COL14A1: variants seen among roughly 807,000 people sequenced by gnomAD.
The protein encoded by COL14A1 is collagen type XIV alpha 1 chain, also known as collagen alpha-1(XIV) chain.
Under a neutral mutation model 230.3 loss-of-function variants are expected in COL14A1, and 136 were observed. The ratio of observed to expected loss-of-function variants is 0.59; its 90% CI spans 0.51 to 0.68. The LOEUF is 0.68. COL14A1 is among the 30% of genes least tolerant of loss of function. The pLI is 0.00. For synonymous variants in COL14A1, 792 were observed against 784.1 expected, an observed-to-expected ratio of 1.01 and a Z score of -0.17; for missense variants, 1,976 against 2,215.8, an observed-to-expected ratio of 0.89 and a Z score of 2.17.
intron 1 of COL14A1, among the ~76,000 whole-genome samples, chr8:120,145,801 T>G (rs1163360434): frequency 6.6e-6 from 1 of 152,150 alleles, no homozygotes; most frequent in Non-Finnish European, 1.5e-5. Flanking sequence ...AGTAGGTAAA[T>G]AAGTTGTGAT....
intron 28 of COL14A1, among the ~76,000 whole-genome samples, chr8:120,279,127 AC>A (rs1819950531): frequency 1.4e-5 from 2 of 147,978 alleles, no homozygotes; most frequent in Admixed American, 1.4e-4. Flanking sequence ...AGGGAGGGGA[AC>A]ATCACACACG....
At chr8:120,213,532 A>T (rs1474744937) in intron 13 of COL14A1, among the ~76,000 whole-genome samples, 1 of 152,230 alleles carries the variant, frequency 6.6e-6, no homozygotes, top group African/African-American at 2.4e-5. Context: ...GACCAATGTA[A>T]TTAAAACAAC....
chr8:120,197,681 A>G (rs538043908), intron 6 of COL14A1, 130 bp from the exon 7 acceptor site: 7 of 862,566 alleles, frequency 8.1e-6, no homozygotes, highest in African/African-American at 1.7e-5. Context: ...CTTTTTGAAA[A>G]TTTATAGCCA....
At chr8:120,257,826 C>A (rs760028203) in intron 23 of COL14A1, among the ~76,000 whole-genome samples, 9 of 152,188 alleles carry the variant, frequency 5.9e-5, no homozygotes, top group Non-Finnish European at 1.2e-4. Context: ...TCCGTCAAAT[C>A]CTTACAGTTT....
chr8:120,222,785 T>C (rs554238088), intron 14 of COL14A1, among the ~76,000 whole-genome samples: 6 of 152,124 alleles, frequency 3.9e-5, no homozygotes, highest in Non-Finnish European at 7.4e-5. Context: ...AAAAAATAAT[T>C]CAACATACAG....
chr8:120,342,479 C>A, intron 44 of COL14A1, 33 bp downstream of exon 44: 1 of 1,594,768 alleles, frequency 6.3e-7, no homozygotes, highest in Non-Finnish European at 8.6e-7. Flanking sequence ...GGATGTTCCC[C>A]ATAACAAACT....
chr8:120,279,819 C>A (rs1411684098), intron 28 of COL14A1, 116 bp from the exon 29 acceptor site: 4 of 1,052,514 alleles, frequency 3.8e-6, no homozygotes, highest in Non-Finnish European at 4.0e-6. Flanking sequence ...GAATTATCCA[C>A]CCCCATGGGC....
chr8:120,212,498 C>T lies in COL14A1; in HGVS notation c.1518C>T (p.Pro506=). The change falls in exon 13 of 48, where the codon CCC becomes CCT. Residue 506 remains proline, a synonymous_variant. Coordinates refer to ENST00000297848, the MANE Select transcript of COL14A1 (RefSeq NM_021110.4). ...ATATTGAATTGAGTGGGTTGTTGCC[C>T]AATACAGAATACACAGTCACAGTTT... ...HTDIELSGLL[P]NTEYTVTVYA... is the part of the protein sequence containing the mutation. 3 of 1,613,430 alleles carry T rather than the reference C, an allele frequency of 1.9e-6. No homozygotes were observed. The highest frequency in any genetic ancestry group is 1.1e-5 in the South Asian group (1 of 91,040).
At chr8:120,179,766 A>T (rs1816400909) in intron 5 of COL14A1, among the ~76,000 whole-genome samples, 1 of 152,232 alleles carries the variant, frequency 6.6e-6, no homozygotes, top group Admixed American at 6.5e-5. Flanking sequence ...AAATGAACAA[A>T]GCTGAAGGCA....
At chr8:120,253,924 C>CA (rs1436774679) in intron 22 of COL14A1, among the ~76,000 whole-genome samples, 2 of 151,918 alleles carry the variant, frequency 1.3e-5, no homozygotes, top group Admixed American at 6.6e-5. Flanking sequence ...GACTCCATCT[C>CA]AAAAAACAAA....
rs759087194 is a variant in COL14A1 at position 120,369,331 on chromosome 8, A to G, written c.5157A>G (p.Gly1719=). The G allele has an allele frequency of 1.4e-5, 22 of 1,565,320 alleles. No homozygotes were observed. In the South Asian group the frequency reaches 2.4e-4, roughly 17 times the overall value. Residue 1719 remains glycine, a splice_region_variant and synonymous_variant, in exon 47 of 48, where the codon GGA becomes GGG. Coordinates refer to ENST00000297848, the MANE Select transcript of COL14A1 (RefSeq NM_021110.4). The stretch of plus-strand genomic sequence containing the variant: ...TTTTCATCTGTGGGTACTTCTTAGG[A>G]CCTTCAGGGGAGAGTCGGCCTGGCA... ...QGPRGPPGPA[G]PSGESRPGSP... is the part of the protein sequence containing the mutation.
intron 1 of COL14A1, among the ~76,000 whole-genome samples, chr8:120,138,555 A>G (rs1202705537): frequency 2.0e-5 from 3 of 152,216 alleles, no homozygotes; most frequent in East Asian, 3.8e-4. Context: ...TTCAGAGAGA[A>G]AAAAGCTAAC....
chr8:120,209,073 C>T lies in COL14A1; in HGVS notation c.1322-683C>T, dbSNP rs144733043. Among the ~76,000 whole-genome samples the T allele has an allele frequency of 2.8e-3, 431 of 152,284 alleles. 5 individuals are homozygous for T. The highest frequency in any genetic ancestry group is 9.5e-3 in the African/African-American group (397 of 41,574). On this transcript the variant is annotated intron_variant, in intron 11 of 47. Coordinates refer to ENST00000297848, the MANE Select transcript of COL14A1 (RefSeq NM_021110.4). ...CTGTGATCATCACTCTCTGAACTTTCTTGGATTTATCCCTGGCAACAATCT... is the reference window on the plus strand; with the variant it reads ...CTGTGATCATCACTCTCTGAACTTTTTTGGATTTATCCCTGGCAACAATCT...
chr8:120,165,662 G>A (rs1815842629), intron 4 of COL14A1, among the ~76,000 whole-genome samples: 1 of 149,512 alleles, frequency 6.7e-6, no homozygotes, highest in Admixed American at 6.6e-5. Context: ...TAGTGGATCA[G>A]CTTCCATAAT....
intron 41 of COL14A1, 114 bp from the exon 42 acceptor site, chr8:120,332,550 G>T: frequency 2.4e-6 from 2 of 848,752 alleles, no homozygotes. Flanking sequence ...TCCTGGTGAT[G>T]AGGGGGAGGG....
At chr8:120,176,013 T>A (rs2130616801) in intron 5 of COL14A1, among the ~76,000 whole-genome samples, 1 of 152,336 alleles carries the variant, frequency 6.6e-6, no homozygotes, top group South Asian at 2.1e-4. Context: ...AAGATTGAGT[T>A]AAAATGTGTA....
At chr8:120,155,945 A>G (rs927986946) in intron 2 of COL14A1, among the ~76,000 whole-genome samples, 2 of 151,840 alleles carry the variant, frequency 1.3e-5, no homozygotes, top group African/African-American at 4.8e-5. Context: ...AGAAATGTAA[A>G]CTCTTTCTTC....
At chr8:120,243,829 C>T (rs370325342) in intron 19 of COL14A1, 50 bp from the exon 20 acceptor site, 12 of 1,595,250 alleles carry the variant, frequency 7.5e-6, no homozygotes, top group Non-Finnish European at 8.5e-6. Context: ...ATTACCAAAT[C>T]AGTGGAAACG....
chr8:120,250,795 G>T, intron 22 of COL14A1, 29 bp downstream of exon 22: 2 of 1,611,350 alleles, frequency 1.2e-6, no homozygotes, highest in Non-Finnish European at 8.5e-7. Context: ...GGCCTCAGCC[G>T]CATATGGGTT....
Sources: gnomAD v4.1 joint callset for allele counts (sites outside exome capture counted in the v4.1 genomes callset) on GRCh38, gnomAD v4.1.1 for gene constraint, MANE v1.5 for transcripts, NCBI Gene and HGNC (gene_info 2026-07-23, HGNC 2026-07-21) for gene names.